The following UBE2G2 variants were observed in gnomAD, a reference collection of about 807,000 sequenced individuals.
The protein encoded by UBE2G2 is ubiquitin conjugating enzyme E2 G2.
A neutral mutation model predicts 23.0 loss-of-function variants in UBE2G2; 10 were observed. That is an observed-to-expected ratio of 0.43 (90% CI 0.27 to 0.74). UBE2G2 has a LOEUF of 0.74. Ranked by LOEUF, UBE2G2 falls within the 30% of genes least tolerant of loss-of-function variation. The pLI is 0.19. For missense variants in UBE2G2, 150 were observed against 218.3 expected (o/e 0.69, Z 1.97); for synonymous variants, 86 against 81.3 (o/e 1.06, Z -0.31).
chr21:44,800,345 T>C (rs1179466174), intron 1 of UBE2G2: 14 of 152,108 alleles, frequency 9.2e-5, no homozygotes, highest in Admixed American at 9.2e-4. Flanking sequence ...TGCGGCTGCA[T>C]ATCCATGGAT....
chr21:44,773,806 G>A, intron 4 of UBE2G2, 119 bp from the exon 5 acceptor site: 1 of 1,373,820 alleles, frequency 7.3e-7, no homozygotes, highest in Non-Finnish European at 9.8e-7. Context: ...CAAGCTGTTT[G>A]CACAGCTGGG....
chr21:44,787,795 G>C, intron 3 of UBE2G2, 125 bp downstream of exon 3: 6 of 1,026,338 alleles, frequency 5.8e-6, no homozygotes, highest in Non-Finnish European at 8.5e-6. Context: ...CGAGAGCTGG[G>C]CATTACTGGA....
Position 44,771,324 on chromosome 21 carries a change from G to C in UBE2G2, c.*53C>G. ...GCATCACTGTCACTAAGTGTGCCGG[G>C]GGAGAATGCTGAGCTGCTTGGCGGT... On this transcript the variant is annotated 3_prime_UTR_variant, in exon 6 of 6. Coordinates refer to ENST00000345496, the MANE Select transcript of UBE2G2 (RefSeq NM_003343.6). This position sits in a 1 kb window ranked among gnomAD's most constrained non-coding sequence, Gnocchi z 4.6. 1 of 1,526,312 alleles carries C rather than the reference G, an allele frequency of 6.6e-7. No individual in the cohort carries two copies. The highest frequency in any genetic ancestry group is 9.0e-7 in the Non-Finnish European group (1 of 1,105,806). 94.5% of individuals were successfully genotyped at this position (1,526,312 alleles called of 1,614,324 possible). A position where few individuals can be genotyped will look rare whatever the true frequency, so the allele number is the denominator to read the frequency against.
At chr21:44,782,318 G>C (rs185918149) in intron 3 of UBE2G2, among the ~76,000 whole-genome samples, 1 of 152,114 alleles carries the variant, frequency 6.6e-6, no homozygotes, top group African/African-American at 2.4e-5. Context: ...TAAATAAATG[G>C]AGAGACAGTC....
intron 1 of UBE2G2, 25 bp from the exon 2 acceptor site, chr21:44,788,120 T>C (rs1555962368): frequency 6.3e-7 from 1 of 1,577,698 alleles, no homozygotes. Flanking sequence ...AGTAAAACCA[T>C]TACCAAACAG....
rs782764600 is a variant in UBE2G2 at position 44,801,724 on chromosome 21, G to A, written c.25C>T (p.Leu9=). ...GACTCACGTTTGTACTCGGCCATCA[G>A]CCTCTTGAGCGCGGTCCCCGCCATG... The part of the protein sequence containing the change: MAGTALKR[L]MAEYKQLTLN... The change falls in exon 1 of 6, where the codon CTG becomes TTG. Residue 9 remains leucine, a synonymous_variant. Coordinates refer to ENST00000345496, the MANE Select transcript of UBE2G2 (RefSeq NM_003343.6). The A allele has an allele frequency of 2.2e-5, 34 of 1,522,270 alleles. No homozygotes were observed. The highest frequency in any genetic ancestry group is 2.9e-5 in the Non-Finnish European group (33 of 1,136,802). 94.3% of individuals were successfully genotyped at this position (1,522,270 alleles called of 1,614,324 possible).
rs1231718466 is a variant in UBE2G2 at position 44,773,530 on chromosome 21, G to C, written c.385+17C>G. On this transcript the variant is annotated intron_variant, in intron 5 of 5. Transcript: ENST00000345496. ...TGGGTGTCCACGGCAGCTCCTGCCA[G>C]GAGGCTCGGGCCTTACCTGCCAGCA... The C allele has an allele frequency of 1.9e-6, 3 of 1,603,644 alleles. No individual in the cohort carries two copies. Among genetic ancestry groups the C allele is most frequent in the Non-Finnish European group, 2.5e-6 (3 of 1,178,534 alleles).
At chr21:44,801,343 T>C in intron 1 of UBE2G2, 1 of 1,095,472 alleles carries the variant, frequency 9.1e-7, no homozygotes, top group Non-Finnish European at 1.1e-6. Context: ...TCCCTCCTAA[T>C]TCCGCAGCAG....
intron 3 of UBE2G2, among the ~76,000 whole-genome samples, chr21:44,786,537 T>C (rs1433609073): frequency 6.6e-6 from 1 of 152,206 alleles, no homozygotes; most frequent in African/African-American, 2.4e-5. Context: ...AAAATACTAA[T>C]TTTCATATCA....
intron 1 of UBE2G2, among the ~76,000 whole-genome samples, chr21:44,794,216 A>G (rs1341365193): frequency 1.3e-5 from 2 of 152,200 alleles, no homozygotes; most frequent in Admixed American, 6.5e-5. Context: ...GAGGAAATAC[A>G]TTTCTGTTGT....
chr21:44,786,624 T>G, intron 3 of UBE2G2, among the ~76,000 whole-genome samples: 1 of 152,184 alleles, frequency 6.6e-6, no homozygotes, highest in Non-Finnish European at 1.5e-5. Flanking sequence ...ATTAATGTGA[T>G]CCAAGCAACT....
intron 1 of UBE2G2, among the ~76,000 whole-genome samples, chr21:44,790,502 G>A (rs1481337869): frequency 2.6e-5 from 4 of 152,202 alleles, no homozygotes; most frequent in South Asian, 4.1e-4. Context: ...TGTTGAGGGA[G>A]GAACCTAGTG....
At chr21:44,800,980 C>T (rs376612751) in intron 1 of UBE2G2, 24 of 152,326 alleles carry the variant, frequency 1.6e-4, no homozygotes, top group African/African-American at 5.8e-4. Flanking sequence ...TGAACTCAGG[C>T]CCTGCTCTTA....
At chr21:44,786,974 C>T (rs2083001039) in intron 3 of UBE2G2, among the ~76,000 whole-genome samples, 1 of 151,988 alleles carries the variant, frequency 6.6e-6, no homozygotes, top group Non-Finnish European at 1.5e-5. Context: ...TACCTGTAAT[C>T]CCAGCTACTA....
rs371947649 is a variant in UBE2G2 at position 44,790,374 on chromosome 21, G to A, written c.44-2279C>T. ...CTTATGTTGCCATAGACTTTTGTGT[G>A]AATGTTCATAGTAGCTAAATTCGTA... On this transcript the variant is annotated intron_variant, in intron 1 of 5. Transcript: ENST00000345496. 7.2e-5 allele frequency among the ~76,000 whole-genome samples: 11 copies of A among 152,300 alleles called. No homozygotes were observed. The South Asian group carries it at 1.9e-3, about 26-fold the overall frequency.
At chr21:44,787,743 G>A (rs1363302034) in intron 3 of UBE2G2, among the ~76,000 whole-genome samples, 177 bp downstream of exon 3, 12 of 152,212 alleles carry the variant, frequency 7.9e-5, no homozygotes, top group African/African-American at 2.9e-4. Context: ...ATTTCTTTTG[G>A]ATCAATGCTC....
chr21:44,792,104 G>C (rs1160580209), intron 1 of UBE2G2, among the ~76,000 whole-genome samples: 1 of 152,202 alleles, frequency 6.6e-6, no homozygotes, highest in African/African-American at 2.4e-5. Context: ...TATTTCCATT[G>C]TATCTTGAAA....
chr21:44,800,080 T>TC, intron 1 of UBE2G2: 1 of 152,318 alleles, frequency 6.6e-6, no homozygotes, highest in South Asian at 2.1e-4. Flanking sequence ...ACATCAAAGA[T>TC]TACTGATCAT....
At chr21:44,787,330 C>T (rs1338986135) in intron 3 of UBE2G2, among the ~76,000 whole-genome samples, 1 of 152,120 alleles carries the variant, frequency 6.6e-6, no homozygotes, top group Non-Finnish European at 1.5e-5. Context: ...TTAAATGCCA[C>T]GAATCCCAGA....
Sources: gnomAD v4.1 joint callset for allele counts (sites outside exome capture counted in the v4.1 genomes callset) on GRCh38, gnomAD v4.1.1 for gene constraint, Gnocchi (gnomAD v3.1) non-coding constraint, MANE v1.5 for transcripts, NCBI Gene and HGNC (gene_info 2026-07-23, HGNC 2026-07-21) for gene names.